MEGF6: variants seen among roughly 807,000 people sequenced by gnomAD.
MEGF6 encodes the protein multiple epidermal growth factor-like domains protein 6.
MEGF6 carries 184 observed loss-of-function variants against 207.1 expected under a neutral mutation model. The observed-to-expected ratio is 0.89, with a 90% confidence interval of 0.79 to 1.00. MEGF6 has a LOEUF of 1.00. Ranked by LOEUF, MEGF6 falls within the 50% of genes least tolerant of loss-of-function variation. The pLI is 0.00. For missense variants in MEGF6, 2,282 were observed against 2,202.9 expected (o/e 1.04, Z -0.72); for synonymous variants, 1,038 against 910.0 (o/e 1.14, Z -2.53).
chr1:3,549,896 C>T (rs1272562321), intron 4 of MEGF6, among the ~76,000 whole-genome samples: 3 of 152,164 alleles, frequency 2.0e-5, no homozygotes, highest in South Asian at 2.1e-4. Flanking sequence ...CACGGGTGGG[C>T]GGTCGAAGGT....
At chr1:3,518,158 G>C (rs1164536012) in intron 5 of MEGF6, among the ~76,000 whole-genome samples, 1 of 152,216 alleles carries the variant, frequency 6.6e-6, no homozygotes, top group African/African-American at 2.4e-5. Flanking sequence ...TCTCCAAGGT[G>C]AATGTATTTG....
intron 3 of MEGF6, among the ~76,000 whole-genome samples, chr1:3,585,403 G>A (rs183046585): frequency 6.7e-6 from 1 of 149,802 alleles, no homozygotes; most frequent in African/African-American, 2.5e-5. Flanking sequence ...CCTGTGTGTG[G>A]GTGTGAGTGA....
intron 4 of MEGF6, among the ~76,000 whole-genome samples, chr1:3,540,385 AG>A (rs753520613): frequency 2.2e-4 from 34 of 152,330 alleles, no homozygotes; most frequent in Non-Finnish European, 4.4e-4. Flanking sequence ...AGCCAGCTGA[AG>A]AATGTTGGCC....
chr1:3,539,912 G>A (rs1642459023), intron 4 of MEGF6, among the ~76,000 whole-genome samples: 2 of 152,182 alleles, frequency 1.3e-5, no homozygotes, highest in African/African-American at 2.4e-5. Context: ...TCTGAGGACT[G>A]CAGCCTGCGA....
chr1:3,547,087 G>C (rs144518346), intron 4 of MEGF6: 3 of 156,454 alleles, frequency 1.9e-5, no homozygotes, highest in African/African-American at 7.2e-5. Flanking sequence ...GCACCGACCC[G>C]CACAGCCCCC....
At chr1:3,619,617 C>T in the MEGF6 span, among the ~76,000 whole-genome samples, 1 of 41,272 alleles carries the variant, frequency 2.4e-5, no homozygotes, top group African/African-American at 1.2e-4. Flanking sequence ...CCGCCCCCGT[C>T]ACCCCTGCCG....
At position 3,560,342 on chromosome 1, in the gene MEGF6, C is replaced by A. The variant is rs1411832657; in HGVS notation, c.481+19483G>T. Among the ~76,000 whole-genome samples the A allele has an allele frequency of 6.6e-6, 1 of 152,280 alleles. No homozygotes were observed. Among genetic ancestry groups the A allele is most frequent in the Non-Finnish European group, 1.5e-5 (1 of 68,030 alleles). Reference sequence around the variant, plus strand: ...CTGAGTCCAGGGTTCCTTTCAGGGCCCACTAGGGGCTGTGCATTCCATGGA... The same window carrying A: ...CTGAGTCCAGGGTTCCTTTCAGGGCACACTAGGGGCTGTGCATTCCATGGA... On this transcript the variant is annotated intron_variant, in intron 4 of 36. Transcript: ENST00000356575. This position sits in a 1 kb window ranked among gnomAD's most constrained non-coding sequence, Gnocchi z 4.0.
At chr1:3,607,581 G>A (rs567913836) in intron 1 of MEGF6, among the ~76,000 whole-genome samples, 1 of 152,344 alleles carries the variant, frequency 6.6e-6, no homozygotes, top group Non-Finnish European at 1.5e-5. Context: ...GGATGGAGAA[G>A]GTGGCAGGGG....
chr1:3,551,379 C>T (rs971075121), intron 4 of MEGF6, among the ~76,000 whole-genome samples: 2 of 152,138 alleles, frequency 1.3e-5, no homozygotes, highest in African/African-American at 4.8e-5. Flanking sequence ...TGGGGAGCCT[C>T]CACCAGGGGA....
rs373134142 is a variant in MEGF6, at chr1:3,509,850, G to A, written c.1357+20C>T. ...TCGAGAAGGCAGAGGCCGGTGCTCC[G>A]CGGAGGGCGGGAGACTCACGGCTGC... On this transcript the variant is annotated intron_variant, in intron 11 of 36. Coordinates refer to ENST00000356575, the MANE Select transcript of MEGF6 (RefSeq NM_001409.4). The A allele has an allele frequency of 1.0e-5, 16 of 1,538,524 alleles. No homozygotes were observed. The highest frequency in any genetic ancestry group is 2.4e-5 in the East Asian group (1 of 41,430).
At chr1:3,597,832 C>T (rs1383125984) in intron 2 of MEGF6, among the ~76,000 whole-genome samples, 4 of 152,178 alleles carry the variant, frequency 2.6e-5, no homozygotes, top group African/African-American at 9.7e-5. Flanking sequence ...TGTTTTGAAG[C>T]CACCTGGTTT....
intron 4 of MEGF6, chr1:3,531,487 A>C (rs1040141866): frequency 9.4e-7 from 1 of 1,067,356 alleles, no homozygotes; most frequent in Non-Finnish European, 1.1e-6. Flanking sequence ...CCAAGTCCGC[A>C]GACAACCGAG....
chr1:3,603,743 C>T (rs2101887473), intron 1 of MEGF6, among the ~76,000 whole-genome samples: 1 of 152,180 alleles, frequency 6.6e-6, no homozygotes, highest in Non-Finnish European at 1.5e-5. Flanking sequence ...TCCGCCCAGG[C>T]CTTGCCAGGA....
intron 1 of MEGF6, among the ~76,000 whole-genome samples, chr1:3,602,868 G>A (rs967809343): frequency 6.6e-6 from 1 of 152,194 alleles, no homozygotes; most frequent in African/African-American, 2.4e-5. Flanking sequence ...CTAAGACCTT[G>A]CAACACAGCC....
At chr1:3,599,693 G>A (rs1434332921) in intron 2 of MEGF6, among the ~76,000 whole-genome samples, 1 of 152,184 alleles carries the variant, frequency 6.6e-6, no homozygotes, top group South Asian at 2.1e-4. Context: ...CCCGGCTGGC[G>A]AGGTGGCAGA....
At chr1:3,515,578 C>A in intron 5 of MEGF6, 51 bp from the exon 6 acceptor site, 4 of 1,589,042 alleles carry the variant, frequency 2.5e-6, no homozygotes, top group Non-Finnish European at 3.4e-6. Context: ...GCCTGGCCGA[C>A]AGTCTGTCCC....
intron 4 of MEGF6, among the ~76,000 whole-genome samples, chr1:3,535,042 G>T (rs1642284245): frequency 6.6e-6 from 1 of 152,198 alleles, no homozygotes; most frequent in African/African-American, 2.4e-5. Context: ...AGGGCTGTAT[G>T]GCATGGCCAC....
rs185270574 is a variant in MEGF6, at chr1:3,584,285, G to A, written c.377-4356C>T. Among the ~76,000 whole-genome samples, 120 of 152,352 alleles carry A rather than the reference G, an allele frequency of 7.9e-4. 1 individual carries two copies. Among genetic ancestry groups the A allele is most frequent in the African/African-American group, 2.7e-3 (112 of 41,582 alleles). ...TCATTTCCAGAATCGGGTTAACTGT[G>A]GAAAGGGGACTGGATTCCTCTCCAG... On this transcript the variant is annotated intron_variant, in intron 3 of 36. Coordinates refer to ENST00000356575, the MANE Select transcript of MEGF6 (RefSeq NM_001409.4).
intron 28 of MEGF6, 49 bp from the exon 29 acceptor site, chr1:3,496,832 A>G: frequency 6.5e-7 from 1 of 1,539,828 alleles, no homozygotes; most frequent in Non-Finnish European, 8.8e-7. Context: ...AGGCTTCCCC[A>G]GTGCCCCTGA....
Sources: allele counts gnomAD v4.1 joint callset (sites outside exome capture counted in the v4.1 genomes callset), GRCh38; gene constraint gnomAD v4.1.1; non-coding constraint Gnocchi (gnomAD v3.1); transcripts MANE v1.5; gene names NCBI Gene and HGNC (gene_info 2026-07-23, HGNC 2026-07-21).